LRP1B: variants seen among roughly 807,000 people sequenced by gnomAD.
LRP1B encodes LDL receptor related protein 1B.
Under a neutral mutation model 556.6 loss-of-function variants are expected in LRP1B, and 217 were observed. The ratio of observed to expected loss-of-function variants is 0.39; its 90% CI spans 0.35 to 0.44. The LOEUF is 0.44. Among genes scored for constraint, LRP1B ranks in the 20% least tolerant of loss-of-function variants. The probability of loss-of-function intolerance (pLI) is 1.00; values close to 1 mark genes in which losing one functional copy is unlikely to be tolerated. For synonymous variants in LRP1B, 2,047 were observed against 1,865.8 expected, an observed-to-expected ratio of 1.10 and a Z score of -2.50; for missense variants, 5,053 against 5,620.8, an observed-to-expected ratio of 0.90 and a Z score of 3.23.
chr2:141,649,007 C>A (rs918428499), intron 2 of LRP1B, among the ~76,000 whole-genome samples: 1 of 152,156 alleles, frequency 6.6e-6, no homozygotes, highest in Non-Finnish European at 1.5e-5. Context: ...ACACAGGGAA[C>A]TTAGTTTAGG....
At chr2:142,063,845 C>T (rs1574646742) in intron 1 of LRP1B, among the ~76,000 whole-genome samples, 1 of 151,608 alleles carries the variant, frequency 6.6e-6, no homozygotes, top group East Asian at 2.0e-4. Flanking sequence ...TGGAATAAAA[C>T]ACAAGATGTA....
chr2:140,688,457 A>C (rs1046411730), intron 41 of LRP1B, among the ~76,000 whole-genome samples: 4 of 101,166 alleles, frequency 4.0e-5, no homozygotes, highest in African/African-American at 1.1e-4. Context: ...GGAATATAAC[A>C]GATAAAACAA....
rs929919961 is a variant in LRP1B, at chr2:141,667,559, G to T, written c.205+142720C>A. On this transcript the variant is annotated intron_variant, in intron 2 of 90. Transcript: ENST00000389484. ...CTCCACTTTTTGAAAAACATTGCTT[G>T]TGGTAACTGGGGTAGCACAGCATTA... Among the ~76,000 whole-genome samples, 13 of 152,290 alleles carry T rather than the reference G, an allele frequency of 8.5e-5. No homozygotes were observed. In the South Asian group the frequency reaches 1.0e-3, roughly 12 times the overall value.
At chr2:141,155,604 CTTTTGA>C (rs2105096328) in intron 7 of LRP1B, among the ~76,000 whole-genome samples, 1 of 151,868 alleles carries the variant, frequency 6.6e-6, no homozygotes, top group East Asian at 1.9e-4. Context: ...TCCTTCTATA[CTTTTGA>C]TTTTTTATAC....
At chr2:141,089,694 G>C (rs1015156074) in intron 7 of LRP1B, among the ~76,000 whole-genome samples, 1 of 152,174 alleles carries the variant, frequency 6.6e-6, no homozygotes, top group African/African-American at 2.4e-5. Context: ...CTCAGTTAAA[G>C]AATGAGGGAG....
chr2:140,476,183 T>C (rs1270984841), intron 59 of LRP1B, among the ~76,000 whole-genome samples: 1 of 152,044 alleles, frequency 6.6e-6, no homozygotes, highest in Admixed American at 6.6e-5. Context: ...GTGTTTTTCC[T>C]CAAAGTAAGA....
Position 142,124,396 on chromosome 2 carries a change from G to T in LRP1B, c.82+6252C>A, listed in dbSNP as rs576763343. On this transcript the variant is annotated intron_variant, in intron 1 of 90. Transcript: ENST00000389484. ...AATTGTAGACTAAAACTAAGTTAATGTGACTGCATATGAAAATTATTATAG... is the reference window on the plus strand; with the variant it reads ...AATTGTAGACTAAAACTAAGTTAATTTGACTGCATATGAAAATTATTATAG... Among the ~76,000 whole-genome samples, 11 of 149,152 alleles carry T rather than the reference G, an allele frequency of 7.4e-5. No homozygotes were observed. In the South Asian group the frequency reaches 2.3e-3, roughly 31 times the overall value.
At chr2:141,515,678 C>T (rs936030462) in intron 2 of LRP1B, among the ~76,000 whole-genome samples, 2 of 152,084 alleles carry the variant, frequency 1.3e-5, no homozygotes, top group Admixed American at 1.3e-4. Flanking sequence ...TAAGACTACT[C>T]ATAAAGATAT....
intron 2 of LRP1B, among the ~76,000 whole-genome samples, chr2:141,534,475 T>C (rs1451821691): frequency 6.6e-6 from 1 of 152,052 alleles, no homozygotes; most frequent in Non-Finnish European, 1.5e-5. Flanking sequence ...CATTTGGAAG[T>C]TTTTCCGTGG....
At chr2:142,086,434 C>T (rs1024938558) in intron 1 of LRP1B, among the ~76,000 whole-genome samples, 14 of 152,064 alleles carry the variant, frequency 9.2e-5, no homozygotes, top group African/African-American at 3.4e-4. Context: ...ATGGTGAAAC[C>T]TCCTCTGTAC....
intron 2 of LRP1B, among the ~76,000 whole-genome samples, chr2:141,752,001 C>A (rs1437347): frequency 6.6e-6 from 1 of 150,922 alleles, no homozygotes; most frequent in South Asian, 2.1e-4. Flanking sequence ...CGGATTAAAA[C>A]GGGCTTTATA....
chr2:142,040,448 T>A (rs991724752), intron 1 of LRP1B, among the ~76,000 whole-genome samples: 1 of 151,312 alleles, frequency 6.6e-6, no homozygotes, highest in Non-Finnish European at 1.5e-5. Flanking sequence ...CCCTTATCTC[T>A]TTTTTAGTTC....
intron 37 of LRP1B, among the ~76,000 whole-genome samples, chr2:140,715,388 TA>T (rs1442137928): frequency 6.6e-6 from 1 of 152,100 alleles, no homozygotes; most frequent in Non-Finnish European, 1.5e-5. Context: ...TAGATTTATT[TA>T]GAAGAAAAAC....
At chr2:141,789,001 C>T (rs1297768275) in intron 2 of LRP1B, among the ~76,000 whole-genome samples, 1 of 151,920 alleles carries the variant, frequency 6.6e-6, no homozygotes, top group African/African-American at 2.4e-5. Flanking sequence ...CATATGTGTG[C>T]ATGTGTCTTT....
At chr2:140,299,282 A>G (rs1273945602) in intron 83 of LRP1B, among the ~76,000 whole-genome samples, 1 of 152,102 alleles carries the variant, frequency 6.6e-6, no homozygotes, top group Non-Finnish European at 1.5e-5. Context: ...TTTTAAGAAA[A>G]TGAGTGAATT....
intron 74 of LRP1B, among the ~76,000 whole-genome samples, chr2:140,357,508 G>T (rs145154620): frequency 6.6e-6 from 1 of 150,398 alleles, no homozygotes; most frequent in Admixed American, 6.7e-5. Context: ...CAAACTATTC[G>T]CAATCAGCAG....
intron 1 of LRP1B, among the ~76,000 whole-genome samples, chr2:141,995,581 A>G (rs924893608): frequency 2.0e-5 from 3 of 152,186 alleles, no homozygotes; most frequent in African/African-American, 4.8e-5. Context: ...AGTGATGAGA[A>G]CATGGGCATT....
chr2:141,313,551 A>G lies in LRP1B; in HGVS notation c.344-58910T>C, dbSNP rs1686889903. Among the ~76,000 whole-genome samples, 5 of 152,172 alleles carry G rather than the reference A, an allele frequency of 3.3e-5. 1 individual carries two copies. In the South Asian group the frequency reaches 8.3e-4, roughly 25 times the overall value. On this transcript the variant is annotated intron_variant, in intron 3 of 90. Transcript: ENST00000389484. Reference sequence around the variant, plus strand: ...ATTTAAGCCAAAACCAAAAAAGCCAACATACAGTCTTTTTTTCCCTCTCTT... The same window carrying G: ...ATTTAAGCCAAAACCAAAAAAGCCAGCATACAGTCTTTTTTTCCCTCTCTT...
intron 7 of LRP1B, among the ~76,000 whole-genome samples, chr2:141,131,598 A>G (rs1209922385): frequency 6.6e-6 from 1 of 151,724 alleles, no homozygotes; most frequent in Admixed American, 6.6e-5. Context: ...AAATGAATTA[A>G]AGATCTGAAC....
Sources: gnomAD v4.1 joint callset for allele counts (sites outside exome capture counted in the v4.1 genomes callset) on GRCh38, gnomAD v4.1.1 for gene constraint, MANE v1.5 for transcripts, NCBI Gene and HGNC (gene_info 2026-07-23, HGNC 2026-07-21) for gene names.